The following PPP6R3 variants were observed in gnomAD, a reference collection of about 807,000 sequenced individuals.
PPP6R3 encodes serine/threonine-protein phosphatase 6 regulatory subunit 3.
A neutral mutation model predicts 110.7 loss-of-function variants in PPP6R3; 38 were observed. The observed-to-expected ratio is 0.34, with a 90% CI of 0.26 to 0.45. PPP6R3 has a LOEUF of 0.45. Among genes scored for constraint, PPP6R3 ranks in the 20% least tolerant of loss-of-function variants. The pLI, the probability that PPP6R3 is intolerant of heterozygous loss-of-function variation, is 1.00. For synonymous variants in PPP6R3, 369 were observed against 373.5 expected, an observed-to-expected ratio of 0.99 and a Z score of 0.14; for missense variants, 870 against 1,062.4, an observed-to-expected ratio of 0.82 and a Z score of 2.52.
chr11:68,585,364 A>G (rs1037961491), intron 15 of PPP6R3, among the ~76,000 whole-genome samples: 1 of 152,176 alleles, frequency 6.6e-6, no homozygotes, highest in Non-Finnish European at 1.5e-5. Context: ...ATTAGGCCAC[A>G]TTTAGTTGAC....
At chr11:68,589,074 T>G (rs2099587767) in intron 16 of PPP6R3, among the ~76,000 whole-genome samples, 1 of 151,616 alleles carries the variant, frequency 6.6e-6, no homozygotes, top group African/African-American at 2.4e-5. Flanking sequence ...CCAGGCTGGG[T>G]GGTGTGTGCC....
chr11:68,610,150 A>G, intron 23 of PPP6R3, 127 bp downstream of exon 23: 1 of 1,310,170 alleles, frequency 7.6e-7, no homozygotes, highest in African/African-American at 1.5e-5. Flanking sequence ...CTGACCTGGC[A>G]GGACAGGGTT....
intron 1 of PPP6R3, among the ~76,000 whole-genome samples, chr11:68,513,310 T>G (rs2099120128): frequency 6.6e-6 from 1 of 152,152 alleles, no homozygotes; most frequent in African/African-American, 2.4e-5. Flanking sequence ...AAATCTGGTA[T>G]TGGGGAAGTC....
chr11:68,532,788 C>T lies in PPP6R3; in HGVS notation c.-6-4871C>T, dbSNP rs111493397. ...CAAGTACTTAGCATTGTCACTACTG[C>T]GTCTGTATTTCAGTACACAGTAACA... On this transcript the variant is annotated intron_variant, in intron 2 of 23. Coordinates refer to ENST00000393800, the MANE Select transcript of PPP6R3 (RefSeq NM_001164161.2). Among the ~76,000 whole-genome samples, 556 of 152,268 alleles carry T rather than the reference C, an allele frequency of 3.7e-3. 8 individuals are homozygous for T. The highest frequency in any genetic ancestry group is 0.012 in the African/African-American group (506 of 41,552).
At chr11:68,484,263 AAG>A (rs1036732243) in intron 1 of PPP6R3, among the ~76,000 whole-genome samples, 1 of 152,194 alleles carries the variant, frequency 6.6e-6, no homozygotes, top group Non-Finnish European at 1.5e-5. Context: ...ATTGTACAGA[AAG>A]AGTATGTTTG....
intron 4 of PPP6R3, among the ~76,000 whole-genome samples, chr11:68,546,178 GTAA>G (rs1327698891): frequency 6.6e-6 from 1 of 152,164 alleles, no homozygotes; most frequent in Non-Finnish European, 1.5e-5. Context: ...TTTCACTTTG[GTAA>G]TAATCCCCAA....
chr11:68,524,452 T>G (rs2510395), intron 2 of PPP6R3, among the ~76,000 whole-genome samples: 143,464 of 152,180 alleles, frequency 0.94, 67,638 homozygotes, highest in East Asian at 0.99. Flanking sequence ...CTCAGGGCAG[T>G]CCACAGTGGG....
Position 68,590,668 on chromosome 11 carries a change from T to G in PPP6R3, c.1739T>G (p.Phe580Cys). The G allele has an allele frequency of 6.3e-7, 1 of 1,590,346 alleles. No homozygotes were observed. Among genetic ancestry groups the G allele is most frequent in the Non-Finnish European group, 8.6e-7 (1 of 1,163,564 alleles). The change falls in exon 17 of 24, where the codon TTT (phenylalanine) becomes TGT (cysteine). Residue 580 changes from phenylalanine (F) to cysteine (C), a missense_variant. Transcript: ENST00000393800. ...ADQDDIGNVS[F>C]DRVSDINFTL... ...ATTTTGTTTTTTTACAGTGTTTCTT[T>G]TGATCGAGTATCAGACATCAACTTT... is the stretch of plus-strand genomic sequence containing the variant.
Position 68,614,733 on chromosome 11 carries a change from A to C in PPP6R3, c.*1616A>C. 6.5e-7 allele frequency: 1 copy of C among 1,533,510 alleles called. No individual in the cohort carries two copies. The highest frequency in any genetic ancestry group is 8.8e-7 in the Non-Finnish European group (1 of 1,136,616). The allele number at this position is 1,533,510 out of a possible 1,614,324, so 95.0% of individuals were successfully genotyped here. On this transcript the variant is annotated 3_prime_UTR_variant, in exon 24 of 24. Transcript: ENST00000393800. Reference sequence around the variant, plus strand: ...TTGACCTTTGCACGCCTCCTCAGGAACCCCCTTTCCCGGGTGAGCCCCTCT... The same window carrying C: ...TTGACCTTTGCACGCCTCCTCAGGACCCCCCTTTCCCGGGTGAGCCCCTCT...
Position 68,600,441 on chromosome 11 carries a change from G to A in PPP6R3, c.2139G>A (p.Met713Ile), listed in dbSNP as rs747714867. ...GSDVWSTEEPMPTKETGWASF... is the reference protein window; with the variant it reads ...GSDVWSTEEPIPTKETGWASF... The stretch of plus-strand genomic sequence containing the variant: ...ATGTCTGGAGCACAGAGGAGCCGAT[G>A]CCAACTAAAGAGACGGGCTGGGCTT... The change falls in exon 20 of 24, where the codon ATG (methionine) becomes ATA (isoleucine). Residue 713 changes from methionine to isoleucine, a missense_variant. Met to Ile is a conservative substitution (Grantham distance 10). Transcript: ENST00000393800. 2.5e-6 allele frequency: 4 copies of A among 1,614,156 alleles called. No individual in the cohort carries two copies. The highest frequency in any genetic ancestry group is 3.4e-6 in the Non-Finnish European group (4 of 1,180,024).
chr11:68,504,817 T>C (rs970893565), intron 1 of PPP6R3, among the ~76,000 whole-genome samples: 3 of 152,180 alleles, frequency 2.0e-5, no homozygotes, highest in African/African-American at 7.2e-5. Context: ...CTTTTTGCAG[T>C]TTGGCCTTCT....
intron 7 of PPP6R3, among the ~76,000 whole-genome samples, chr11:68,557,249 A>G (rs191187076): frequency 7.2e-5 from 11 of 152,354 alleles, no homozygotes; most frequent in Admixed American, 7.2e-4. Flanking sequence ...ACAAGCAATT[A>G]TTGCTGGTCT....
At position 68,613,250 on chromosome 11, in the gene PPP6R3, A is replaced by AT; in HGVS notation, c.*134dup. On this transcript the variant is annotated 3_prime_UTR_variant, in exon 24 of 24. Coordinates refer to ENST00000393800, the MANE Select transcript of PPP6R3 (RefSeq NM_001164161.2). ...CAAGGGATCAGGACCAGCAACCTTT[A>AT]TATTCTAGATTCTAAGACATTGTAC... is the stretch of plus-strand genomic sequence containing the variant. 1 of 1,437,046 alleles carries AT rather than the reference A, an allele frequency of 7.0e-7. No homozygotes were observed. The highest frequency in any genetic ancestry group is 9.1e-7 in the Non-Finnish European group (1 of 1,097,484). 89.0% of individuals were successfully genotyped at this position (1,437,046 alleles called of 1,614,324 possible). A position where few individuals can be genotyped will look rare whatever the true frequency, so the allele number is the denominator to read the frequency against.
At chr11:68,548,367 G>C (rs568008240) in intron 5 of PPP6R3, among the ~76,000 whole-genome samples, 163 bp downstream of exon 5, 6 of 152,198 alleles carry the variant, frequency 3.9e-5, no homozygotes, top group Non-Finnish European at 8.8e-5. Flanking sequence ...TTCCAAGATA[G>C]GAAGAGATCC....
At chr11:68,503,081 C>A (rs1410650207) in intron 1 of PPP6R3, among the ~76,000 whole-genome samples, 1 of 151,864 alleles carries the variant, frequency 6.6e-6, no homozygotes, top group African/African-American at 2.4e-5. Flanking sequence ...GTACCTGGGA[C>A]TACAGGCGCA....
In PPP6R3 at chr11:68,603,479, G is replaced by A; in HGVS notation, c.2437G>A (p.Ala813Thr). Residue 813 changes from alanine to threonine, a missense_variant, in exon 22 of 24, where the codon GCG becomes ACG. Transcript: ENST00000393800. Reference protein sequence around the residue: ...SLTVDAKTETAVFKSEEGKLS... With the variant: ...SLTVDAKTETTVFKSEEGKLS... Reference sequence around the variant, plus strand: ...CACTGTAGATGCCAAGACAGAGACTGCGGTCTTCAAAAGGTAACCAGGGGT... The same window carrying A: ...CACTGTAGATGCCAAGACAGAGACTACGGTCTTCAAAAGGTAACCAGGGGT... The A allele has an allele frequency of 6.2e-7, 1 of 1,614,156 alleles. No individual in the cohort carries two copies. The highest frequency in any genetic ancestry group is 8.5e-7 in the Non-Finnish European group (1 of 1,179,996).
intron 3 of PPP6R3, among the ~76,000 whole-genome samples, chr11:68,540,691 G>C (rs75126460): frequency 4.4e-5 from 4 of 90,656 alleles, no homozygotes; most frequent in Admixed American, 1.2e-4. Flanking sequence ...ACCACACCCA[G>C]GGGGGCCAGT....
chr11:68,590,574 C>T (rs1031225156), intron 16 of PPP6R3, 86 bp from the exon 17 acceptor site: 8 of 1,358,234 alleles, frequency 5.9e-6, no homozygotes, highest in Non-Finnish European at 7.9e-6. Flanking sequence ...GTGTAAATAT[C>T]TTAAATTTGG....
intron 1 of PPP6R3, among the ~76,000 whole-genome samples, chr11:68,508,931 C>T (rs1333872143): frequency 1.3e-5 from 2 of 152,184 alleles, no homozygotes; most frequent in East Asian, 1.9e-4. Flanking sequence ...ATTTTCTTTT[C>T]CTGTCTTGAT....
Sources: gnomAD v4.1 joint callset for allele counts (sites outside exome capture counted in the v4.1 genomes callset) on GRCh38, gnomAD v4.1.1 for gene constraint, MANE v1.5 for transcripts, NCBI Gene and HGNC (gene_info 2026-07-23, HGNC 2026-07-21) for gene names.